The following CTDSPL variants were observed in gnomAD, a reference collection of about 807,000 sequenced individuals.
CTDSPL encodes CTD small phosphatase like.
CTDSPL carries 8 observed loss-of-function variants against 30.5 expected under a neutral mutation model. The ratio of observed to expected loss-of-function variants is 0.26; its 90% confidence interval spans 0.15 to 0.47. The LOEUF (loss-of-function observed/expected upper bound fraction) is 0.47. CTDSPL is among the 20% of genes least tolerant of loss of function. CTDSPL has a pLI of 0.99. For missense variants in CTDSPL, 248 were observed against 366.1 expected (o/e 0.68, Z 2.63); for synonymous variants, 110 against 137.9 (o/e 0.80, Z 1.42).
At chr3:37,971,344 G>A in intron 5 of CTDSPL, 63 bp from the exon 6 acceptor site, 1 of 1,463,840 alleles carries the variant, frequency 6.8e-7, no homozygotes, top group Non-Finnish European at 9.5e-7. Context: ...GTGGGCATTT[G>A]GGCCCCAGGC....
At chr3:37,890,177 G>T (rs1360029862) in intron 1 of CTDSPL, among the ~76,000 whole-genome samples, 1 of 152,184 alleles carries the variant, frequency 6.6e-6, no homozygotes, top group Non-Finnish European at 1.5e-5. Context: ...GCGGATGCAT[G>T]CACACTCAAC....
intron 6 of CTDSPL, among the ~76,000 whole-genome samples, chr3:37,973,066 C>A (rs2125634342): frequency 6.6e-6 from 1 of 152,358 alleles, no homozygotes; most frequent in Admixed American, 6.5e-5. Flanking sequence ...CCCACTTGCA[C>A]AAATGCTGCC....
intron 3 of CTDSPL, among the ~76,000 whole-genome samples, chr3:37,958,668 A>T (rs1295376315): frequency 6.6e-6 from 1 of 152,242 alleles, no homozygotes; most frequent in African/African-American, 2.4e-5. Flanking sequence ...TAAGATAAAC[A>T]AGAAGAAAAT....
intron 1 of CTDSPL, among the ~76,000 whole-genome samples, chr3:37,919,103 C>T (rs968250839): frequency 6.6e-5 from 10 of 152,096 alleles, no homozygotes; most frequent in Non-Finnish European, 1.2e-4. Flanking sequence ...CTACCAGGGC[C>T]TTCCCCCTAC....
At position 37,862,119 on chromosome 3, in the gene CTDSPL, C is replaced by T. The variant is rs1185591533; in HGVS notation, c.-81C>T. On this transcript the variant is annotated 5_prime_UTR_variant, in exon 1 of 8. Transcript: ENST00000273179. The surrounding 1 kb of genome is among the most constrained non-coding windows in gnomAD (Gnocchi z 4.3). ...CTGCGAGCGCCCCCCCGCGCCGCGC[C>T]CCCGCGCCCCCCGCGCCGCGCCCCC... 6 of 540,356 alleles carry T rather than the reference C, an allele frequency of 1.1e-5. No individual in the cohort carries two copies. The highest frequency in any genetic ancestry group is 9.1e-4 in the Middle Eastern group (1 of 1,098). 33.5% of individuals were successfully genotyped at this position (540,356 alleles called of 1,614,324 possible).
At chr3:37,882,521 G>A (rs1017362549) in intron 1 of CTDSPL, among the ~76,000 whole-genome samples, 7 of 152,008 alleles carry the variant, frequency 4.6e-5, no homozygotes, top group African/African-American at 1.7e-4. Context: ...GGAGGCTGAG[G>A]CAGGAGAATC....
intron 1 of CTDSPL, among the ~76,000 whole-genome samples, chr3:37,891,984 A>G (rs544239249): frequency 6.6e-6 from 1 of 152,244 alleles, no homozygotes; most frequent in Non-Finnish European, 1.5e-5. Context: ...TGAGATCAAT[A>G]CAACTTTTGT....
chr3:37,917,682 A>G (rs1236595640), intron 1 of CTDSPL, among the ~76,000 whole-genome samples: 1 of 152,250 alleles, frequency 6.6e-6, no homozygotes, highest in Admixed American at 6.5e-5. Context: ...AGAGGGATAT[A>G]AAGGAAGCAT....
At chr3:37,980,621 G>A (rs542255681) in intron 7 of CTDSPL, 121 bp from the exon 8 acceptor site, 9 of 1,279,922 alleles carry the variant, frequency 7.0e-6, no homozygotes, top group Admixed American at 4.9e-5. Context: ...TGATGATAAC[G>A]ATGATGACAC....
intron 4 of CTDSPL, among the ~76,000 whole-genome samples, chr3:37,966,866 C>A (rs1373735040): frequency 1.3e-5 from 2 of 152,174 alleles, no homozygotes; most frequent in Admixed American, 1.3e-4. Flanking sequence ...CTTCTCCTTC[C>A]TTCTGTCTCT....
chr3:37,876,994 T>C (rs1390507135), intron 1 of CTDSPL, among the ~76,000 whole-genome samples: 2 of 151,430 alleles, frequency 1.3e-5, no homozygotes, highest in Non-Finnish European at 2.9e-5. Context: ...TAATCCCAGC[T>C]ACTCAGGAGG....
At position 37,982,019 on chromosome 3, in the gene CTDSPL, C is replaced by T. The variant is rs1012105756; in HGVS notation, c.*1152C>T. The stretch of plus-strand genomic sequence containing the variant: ...CCATTGCAGCCTCCACCACCTGTAA[C>T]CCCTTCCTGGCATTGGCCACTGAAG... On this transcript the variant is annotated 3_prime_UTR_variant, in exon 8 of 8. Transcript: ENST00000273179. 3 of 404,236 alleles carry T rather than the reference C, an allele frequency of 7.4e-6. No individual in the cohort carries two copies. The highest frequency in any genetic ancestry group is 7.2e-5 in the East Asian group (1 of 13,812). 25.0% of individuals were successfully genotyped at this position (404,236 alleles called of 1,614,324 possible). A position where few individuals can be genotyped will look rare whatever the true frequency, so the allele number is the denominator to read the frequency against.
intron 1 of CTDSPL, among the ~76,000 whole-genome samples, chr3:37,875,293 G>A (rs2125589952): frequency 6.6e-6 from 1 of 152,300 alleles, no homozygotes; most frequent in Non-Finnish European, 1.5e-5. Flanking sequence ...CTAAGTAATA[G>A]CTCATTTTGA....
At chr3:37,973,930 A>G (rs1448981677) in intron 6 of CTDSPL, among the ~76,000 whole-genome samples, 2 of 152,242 alleles carry the variant, frequency 1.3e-5, no homozygotes, top group African/African-American at 4.8e-5. Context: ...GAAATAGATC[A>G]TCTTTTTCCA....
At chr3:37,949,258 T>A (rs1018578574) in intron 2 of CTDSPL, among the ~76,000 whole-genome samples, 6 of 152,310 alleles carry the variant, frequency 3.9e-5, no homozygotes, top group Admixed American at 2.6e-4. Context: ...TGGAGGAAAA[T>A]TTGGCAATAT....
At chr3:37,948,244 A>C (rs1157362360) in intron 2 of CTDSPL, among the ~76,000 whole-genome samples, 3 of 152,200 alleles carry the variant, frequency 2.0e-5, no homozygotes, top group Non-Finnish European at 2.9e-5. Context: ...AGATCACGCC[A>C]CTGCACTCCA....
Position 37,984,134 on chromosome 3 carries a change from G to A in CTDSPL, c.*3267G>A, listed in dbSNP as rs545409318. On this transcript the variant is annotated 3_prime_UTR_variant, in exon 8 of 8. Transcript: ENST00000273179. ...CTGGACAGTTGGCATGCCAGGGTTC[G>A]AGAAGAGTGAATGGCTTGACGTACT... 7 of 448,970 alleles carry A rather than the reference G, an allele frequency of 1.6e-5. No homozygotes were observed. The highest frequency in any genetic ancestry group is 9.4e-5 in the Admixed American group (4 of 42,460). The allele number at this position is 448,970 out of a possible 1,614,324, so 27.8% of individuals were successfully genotyped here.
In CTDSPL at chr3:37,923,730, C is replaced by A. The variant is rs563185686; in HGVS notation, c.80-23327C>A. ...AATGACATTTTAACGTGCATATTTC[C>A]ATCTGAATGATTAACTGTCAGTTGA... On this transcript the variant is annotated intron_variant, in intron 1 of 7. Coordinates refer to ENST00000273179, the MANE Select transcript of CTDSPL (RefSeq NM_001008392.2). Among the ~76,000 whole-genome samples, 3 of 151,974 alleles carry A rather than the reference C, an allele frequency of 2.0e-5. No individual in the cohort carries two copies. The South Asian group carries it at 6.2e-4, about 32-fold the overall frequency.
At chr3:37,956,952 G>A (rs1699181264) in intron 2 of CTDSPL, among the ~76,000 whole-genome samples, 159 bp from the exon 3 acceptor site, 1 of 152,166 alleles carries the variant, frequency 6.6e-6, no homozygotes, top group Non-Finnish European at 1.5e-5. Flanking sequence ...TGCCTTAACT[G>A]TGGAAAATTT....
Sources: gnomAD v4.1 joint callset for allele counts (sites outside exome capture counted in the v4.1 genomes callset) on GRCh38, gnomAD v4.1.1 for gene constraint, Gnocchi (gnomAD v3.1) non-coding constraint, MANE v1.5 for transcripts, NCBI Gene and HGNC (gene_info 2026-07-23, HGNC 2026-07-21) for gene names.